Variants in C11orf65 observed in about 807,000 individuals in gnomAD.
C11orf65 encodes the protein protein MFI.
C11orf65 carries 38 observed loss-of-function variants against 35.3 expected under a neutral mutation model. The observed-to-expected ratio is 1.08, with a 90% CI of 0.83 to 1.41. The LOEUF (loss-of-function observed/expected upper bound fraction) is 1.41. Ranked by LOEUF, C11orf65 falls within the 40% of genes most tolerant of loss-of-function variation. The pLI, the probability that C11orf65 is intolerant of heterozygous loss-of-function variation, is 0.00. For synonymous variants in C11orf65, 105 were observed against 114.4 expected, an observed-to-expected ratio of 0.92 and a Z score of 0.53; for missense variants, 370 against 367.1, an observed-to-expected ratio of 1.01 and a Z score of -0.06.
chr11:108,389,400 C>T (rs1390470974), intron 7 of C11orf65, among the ~76,000 whole-genome samples: 1 of 152,278 alleles, frequency 6.6e-6, no homozygotes, highest in East Asian at 1.9e-4. Context: ...CTGAAATATA[C>T]CCAGATAATC....
chr11:108,453,165 GA>G (rs955029210), intron 2 of C11orf65, among the ~76,000 whole-genome samples: 9 of 127,352 alleles, frequency 7.1e-5, no homozygotes, highest in Non-Finnish European at 1.0e-4. Context: ...AAAGAAAAAA[GA>G]AAAAAAAAAG....
chr11:108,406,952 T>G lies in C11orf65; in HGVS notation c.240A>C (p.Pro80=). The G allele has an allele frequency of 6.2e-7, 1 of 1,608,532 alleles. No individual in the cohort carries two copies. The highest frequency in any genetic ancestry group is 8.5e-7 in the Non-Finnish European group (1 of 1,175,522). The part of the protein sequence containing the change: ...VRFRLGGVKF[P]PDIYYKIFTH... ...TAAAAATCTTATAGTATATATCAGG[T>G]GGAAATTTAACCTGTAGAAGGAAAA... The change falls in exon 5 of 9, where the codon CCA becomes CCC. Residue 80 remains proline, a synonymous_variant. Transcript: ENST00000393084.
At chr11:108,458,433 GAGTCAGC>G (rs1425020482) in intron 2 of C11orf65, among the ~76,000 whole-genome samples, 1 of 150,974 alleles carries the variant, frequency 6.6e-6, no homozygotes, top group Admixed American at 6.6e-5. Context: ...TCTTTGTTCA[GAGTCAGC>G]ATGGTCTTCA....
At chr11:108,346,614 A>G (rs1237124697) in intron 2 of C11orf65, 3 of 153,160 alleles carry the variant, frequency 2.0e-5, no homozygotes, top group African/African-American at 7.2e-5. Flanking sequence ...ACTCTCTTCT[A>G]CATAGAGAAT....
chr11:108,417,948 G>T (rs532329385), intron 3 of C11orf65, among the ~76,000 whole-genome samples: 1 of 110,250 alleles, frequency 9.1e-6, no homozygotes, highest in Non-Finnish European at 1.9e-5. Context: ...ATTACTGACA[G>T]TAAAACTTTC....
At chr11:108,394,199 A>AAAT (rs2092249071) in intron 6 of C11orf65, among the ~76,000 whole-genome samples, 1 of 150,708 alleles carries the variant, frequency 6.6e-6, no homozygotes, top group Non-Finnish European at 1.5e-5. Flanking sequence ...AAAAAAAAAA[A>AAAT]GACACAGCCA....
At chr11:108,403,410 T>TTTTTTG (rs2092476488) in intron 6 of C11orf65, among the ~76,000 whole-genome samples, 1 of 51,334 alleles carries the variant, frequency 1.9e-5, no homozygotes, top group Non-Finnish European at 3.8e-5. Flanking sequence ...GTTTGAGAGG[T>TTTTTTG]TTTTTTTTTG....
In C11orf65 at chr11:108,333,913, C is replaced by CAATT; in HGVS notation, c.299+1303_299+1306dup. On this transcript the variant is annotated intron_variant, in intron 3 of 3. Transcript: ENST00000524755. ...GGCATAAATATTCCAGCAGACCAGC[C>CAATT]AATTACTAAACTTAAGAATTTAGAA... 6.2e-7 allele frequency: 1 copy of CAATT among 1,611,028 alleles called. No individual in the cohort carries two copies. Among genetic ancestry groups the CAATT allele is most frequent in the Non-Finnish European group, 8.5e-7 (1 of 1,177,252 alleles).
chr11:108,376,870 G>C (rs1245185823), intron 2 of C11orf65, among the ~76,000 whole-genome samples: 1 of 151,538 alleles, frequency 6.6e-6, no homozygotes. Flanking sequence ...AAATAAACTA[G>C]AAAATCTAGA....
chr11:108,459,803 C>T (rs2093451328), intron 2 of C11orf65, among the ~76,000 whole-genome samples: 1 of 150,536 alleles, frequency 6.6e-6, no homozygotes, highest in Non-Finnish European at 1.5e-5. Flanking sequence ...TGCTGAAGCT[C>T]CTTCAAGGGC....
intron 2 of C11orf65, chr11:108,343,442 A>G (rs1381192624): frequency 1.9e-6 from 3 of 1,563,050 alleles, no homozygotes; most frequent in Non-Finnish European, 2.6e-6. Context: ...CAGCTGTCAG[A>G]TATTATAGAA....
At chr11:108,453,231 G>T (rs1453179194) in intron 2 of C11orf65, among the ~76,000 whole-genome samples, 1 of 145,346 alleles carries the variant, frequency 6.9e-6, no homozygotes, top group African/African-American at 2.5e-5. Context: ...ACAACTTATG[G>T]CATCTTTAAT....
chr11:108,335,945 C>G lies in C11orf65; in HGVS notation c.227-653G>C, dbSNP rs2086800136. 6.2e-7 allele frequency: 1 copy of G among 1,609,342 alleles called. No individual in the cohort carries two copies. The highest frequency in any genetic ancestry group is 8.5e-7 in the Non-Finnish European group (1 of 1,175,776). On this transcript the variant is annotated intron_variant, in intron 2 of 3. Transcript: ENST00000524755. ...ACGGAAACTAGGAAGAGGAAATTAA[C>G]TATCTGTACTTATAAGGTAACTATT...
At chr11:108,409,935 G>A (rs572309503) in intron 3 of C11orf65, among the ~76,000 whole-genome samples, 30 of 152,216 alleles carry the variant, frequency 2.0e-4, no homozygotes, top group African/African-American at 7.0e-4. Context: ...CACTAAACCG[G>A]TCCCTGGCAC....
chr11:108,414,077 T>C (rs2092695931), intron 3 of C11orf65, among the ~76,000 whole-genome samples: 1 of 151,612 alleles, frequency 6.6e-6, no homozygotes, highest in African/African-American at 2.4e-5. Flanking sequence ...AGAGCAGAAA[T>C]CAATGAAATT....
chr11:108,315,650 G>A (rs761075382), intron 6 of C11orf65, among the ~76,000 whole-genome samples: 7 of 151,872 alleles, frequency 4.6e-5, no homozygotes, highest in South Asian at 2.1e-4. Context: ...GTTCAAACTC[G>A]TGTTGTTTGA....
intron 2 of C11orf65, among the ~76,000 whole-genome samples, chr11:108,336,806 TCA>T (rs2086907650): frequency 6.6e-6 from 1 of 152,216 alleles, no homozygotes; most frequent in East Asian, 1.9e-4. Context: ...AAGACAATCC[TCA>T]GTCACATTCT....
chr11:108,429,174 AC>A (rs2092950952), intron 3 of C11orf65, among the ~76,000 whole-genome samples: 2 of 152,098 alleles, frequency 1.3e-5, no homozygotes, highest in East Asian at 3.9e-4. Flanking sequence ...AAAGAAAAAA[AC>A]AAATTAAAAA....
chr11:108,320,154 T>C lies in C11orf65; in HGVS notation c.641-11083A>G. The C allele has an allele frequency of 4.2e-6, 4 of 944,026 alleles. 1 individual carries two copies. The highest frequency in any genetic ancestry group is 2.8e-5 in the South Asian group (2 of 72,556). 58.5% of individuals were successfully genotyped at this position (944,026 alleles called of 1,614,324 possible). Reference sequence around the variant, plus strand: ...AACAATTTTAATGTAAGGATTTGCATTGATGAAGAGATAAAGACTTGGTGG... The same window carrying C: ...AACAATTTTAATGTAAGGATTTGCACTGATGAAGAGATAAAGACTTGGTGG... On this transcript the variant is annotated intron_variant, in intron 6 of 6. Transcript: ENST00000525729.
Sources: gnomAD v4.1 joint callset for allele counts (sites outside exome capture counted in the v4.1 genomes callset) on GRCh38, gnomAD v4.1.1 for gene constraint, MANE v1.5 for transcripts, NCBI Gene and HGNC (gene_info 2026-07-23, HGNC 2026-07-21) for gene names.